The following DNMT1 variants were observed in gnomAD, a reference collection of about 807,000 sequenced individuals.
DNMT1 encodes the protein DNA (cytosine-5)-methyltransferase 1.
DNMT1 carries 24 observed loss-of-function variants against 205.3 expected under a neutral mutation model. The ratio of observed to expected loss-of-function variants is 0.12; its 90% CI spans 0.08 to 0.16. DNMT1 has a LOEUF of 0.16. DNMT1 is among the 10% of genes least tolerant of loss of function. The pLI is 1.00. For missense variants in DNMT1, 1,293 were observed against 2,177.7 expected, an observed-to-expected ratio of 0.59 and a Z score of 8.09; for synonymous variants, 817 against 839.8, an observed-to-expected ratio of 0.97 and a Z score of 0.47.
chr19:10,134,408 G>T, intron 39 of DNMT1, 101 bp from the exon 40 acceptor site: 1 of 1,073,496 alleles, frequency 9.3e-7, no homozygotes, highest in Non-Finnish European at 1.4e-6. Context: ...GACAACCTGG[G>T]CATTGCACCC....
At position 10,159,994 on chromosome 19, in the gene DNMT1, G is replaced by A; in HGVS notation, c.1089+24C>T. The A allele has an allele frequency of 6.2e-7, 1 of 1,614,198 alleles. No individual in the cohort carries two copies. The highest frequency in any genetic ancestry group is 8.5e-7 in the Non-Finnish European group (1 of 1,180,048). Reference sequence around the variant, plus strand: ...AGCCGCCTCGTGAGCGCCGCCACCGGCTTTATTCCCGGCAGATGTTTACCT... The same window carrying A: ...AGCCGCCTCGTGAGCGCCGCCACCGACTTTATTCCCGGCAGATGTTTACCT... On this transcript the variant is annotated intron_variant, in intron 15 of 40. Transcript: ENST00000359526. The surrounding 1 kb of genome is among the most constrained non-coding windows in gnomAD (Gnocchi z 5.0).
intron 1 of DNMT1, 109 bp from the exon 2 acceptor site, chr19:10,182,186 T>C: frequency 1.7e-6 from 2 of 1,180,150 alleles, no homozygotes; most frequent in South Asian, 2.5e-5. Flanking sequence ...AAGTTTAACA[T>C]ATGAGTGTTA....
chr19:10,161,524 G>A (rs975173037), intron 13 of DNMT1, among the ~76,000 whole-genome samples: 2 of 152,082 alleles, frequency 1.3e-5, no homozygotes, highest in Non-Finnish European at 2.9e-5. Context: ...CCATCTGCCT[G>A]TAGTCCCAGC....
intron 27 of DNMT1, among the ~76,000 whole-genome samples, chr19:10,148,167 AAAAT>A (rs1271334606): frequency 6.7e-6 from 1 of 149,432 alleles, no homozygotes. Flanking sequence ...AATAAAATAA[AAAAT>A]AAAAGCTTCC....
At chr19:10,191,830 T>TA (rs927766392) in intron 1 of DNMT1, among the ~76,000 whole-genome samples, 31 of 148,450 alleles carry the variant, frequency 2.1e-4, no homozygotes, top group Middle Eastern at 3.5e-3. Flanking sequence ...CCCTCATCTC[T>TA]AAAAAAAAAA....
At chr19:10,189,363 T>C (rs970009150) in intron 1 of DNMT1, among the ~76,000 whole-genome samples, 18 of 152,000 alleles carry the variant, frequency 1.2e-4, no homozygotes, top group African/African-American at 4.1e-4. Context: ...CCTCGTGATC[T>C]GCCCACCTTG....
intron 5 of DNMT1, among the ~76,000 whole-genome samples, chr19:10,177,794 G>T (rs570153717): frequency 1.3e-5 from 2 of 151,986 alleles, no homozygotes; most frequent in African/African-American, 4.8e-5. Context: ...TTAGCTGGGC[G>T]TGGTGGTACA....
At chr19:10,160,998 G>A (rs1474987335) in intron 13 of DNMT1, among the ~76,000 whole-genome samples, 5 of 152,036 alleles carry the variant, frequency 3.3e-5, no homozygotes, top group Non-Finnish European at 7.4e-5. Flanking sequence ...GACACCTCAA[G>A]GTAAACAAAT....
At chr19:10,147,096 A>T (rs1332799954) in intron 27 of DNMT1, among the ~76,000 whole-genome samples, 1 of 151,340 alleles carries the variant, frequency 6.6e-6, no homozygotes, top group Non-Finnish European at 1.5e-5. Context: ...CCGTCTCTAC[A>T]AAAAATTTTT....
intron 22 of DNMT1, among the ~76,000 whole-genome samples, chr19:10,153,464 T>C (rs954563332): frequency 7.2e-5 from 11 of 151,886 alleles, no homozygotes; most frequent in Non-Finnish European, 2.9e-5. Context: ...TGAAACCCCA[T>C]CTCTACTAAA....
At chr19:10,171,943 G>T (rs940239322) in intron 9 of DNMT1, among the ~76,000 whole-genome samples, 1 of 151,448 alleles carries the variant, frequency 6.6e-6, no homozygotes, top group Non-Finnish European at 1.5e-5. Flanking sequence ...GGAGGCGGAG[G>T]TTGCAATGAG....
At chr19:10,173,787 C>T (rs918045553) in intron 8 of DNMT1, 84 bp downstream of exon 8, 33 of 1,495,120 alleles carry the variant, frequency 2.2e-5, no homozygotes, top group South Asian at 6.8e-5. Context: ...TCACCGTGCC[C>T]GGCCTTAAAC....
In DNMT1 at chr19:10,159,639, C is replaced by A. The variant is rs974262447; in HGVS notation, c.1280+19G>T. On this transcript the variant is annotated intron_variant, in intron 17 of 40. Coordinates refer to ENST00000359526, the MANE Select transcript of DNMT1 (RefSeq NM_001130823.3). The surrounding 1 kb of genome is among the most constrained non-coding windows in gnomAD (Gnocchi z 5.0). ...TGCCTCCTTCCACGAAGCAAACATG[C>A]ACACGAAAGTGCACTTACCTGAAGC... 1 of 1,613,280 alleles carries A rather than the reference C, an allele frequency of 6.2e-7. No homozygotes were observed. The highest frequency in any genetic ancestry group is 1.7e-5 in the Admixed American group (1 of 60,006).
At chr19:10,166,498 G>C (rs2038695765) in intron 11 of DNMT1, 100 bp downstream of exon 11, 1 of 1,439,120 alleles carries the variant, frequency 6.9e-7, no homozygotes, top group African/African-American at 1.4e-5. Flanking sequence ...GGGTGGATGG[G>C]GCTGGACTTG....
Position 10,163,436 on chromosome 19 carries a change from T to C in DNMT1, c.892-76A>G, listed in dbSNP as rs190972098. ...GTTTCTGAGCCAGAGTGAGATAAAATGCAAACACTGAAGTTACAGGTTAGG... is the reference window on the plus strand; with the variant it reads ...GTTTCTGAGCCAGAGTGAGATAAAACGCAAACACTGAAGTTACAGGTTAGG... On this transcript the variant is annotated intron_variant, in intron 11 of 40. Coordinates refer to ENST00000359526, the MANE Select transcript of DNMT1 (RefSeq NM_001130823.3). The C allele has an allele frequency of 1.4e-5, 21 of 1,478,250 alleles. No homozygotes were observed. The African/African-American group carries it at 2.8e-4, about 20-fold the overall frequency. The allele number at this position is 1,478,250 out of a possible 1,614,324, so 91.6% of individuals were successfully genotyped here. A position where few individuals can be genotyped will look rare whatever the true frequency, so the allele number is the denominator to read the frequency against.
In DNMT1 at chr19:10,154,329, C is replaced by T. The variant is rs781764761; in HGVS notation, c.1983G>A (p.Glu661=). 1 of 1,614,238 alleles carries T rather than the reference C, an allele frequency of 6.2e-7. No individual in the cohort carries two copies. The highest frequency in any genetic ancestry group is 1.3e-5 in the African/African-American group (1 of 75,064). The part of the protein sequence containing the change: ...QIEKDDREDK[E]NAFKRRRCGV... The stretch of plus-strand genomic sequence containing the variant: ...CACATCGCCGGCGCTTAAAGGCGTT[C>T]TCCTTGTCTTCTCTGTCATCCTTTT... Residue 661 remains glutamate (E), a synonymous_variant, in exon 22 of 41, where the codon GAG becomes GAA. Coordinates refer to ENST00000359526, the MANE Select transcript of DNMT1 (RefSeq NM_001130823.3). This position sits in a 1 kb window ranked among gnomAD's most constrained non-coding sequence, Gnocchi z 6.3.
chr19:10,167,678 C>T (rs2145343398), intron 10 of DNMT1, among the ~76,000 whole-genome samples: 1 of 152,336 alleles, frequency 6.6e-6, no homozygotes, highest in East Asian at 1.9e-4. Flanking sequence ...GACAAGTGAG[C>T]TTGAAAAATG....
chr19:10,192,487 C>A (rs2039321348), intron 1 of DNMT1, among the ~76,000 whole-genome samples: 1 of 151,944 alleles, frequency 6.6e-6, no homozygotes. Flanking sequence ...GCAGGCTGGG[C>A]ATGGTGGCTC....
chr19:10,169,386 CAAAA>C (rs61170762), intron 9 of DNMT1, among the ~76,000 whole-genome samples: 12 of 80,948 alleles, frequency 1.5e-4, no homozygotes, highest in Admixed American at 5.0e-4. Flanking sequence ...ACTAAAAATA[CAAAA>C]AAAAAAAAAA....
Sources: gnomAD v4.1 joint callset for allele counts (sites outside exome capture counted in the v4.1 genomes callset) on GRCh38, gnomAD v4.1.1 for gene constraint, Gnocchi (gnomAD v3.1) non-coding constraint, MANE v1.5 for transcripts, NCBI Gene and HGNC (gene_info 2026-07-23, HGNC 2026-07-21) for gene names.